Variants in SMAD1 observed in about 807,000 individuals in gnomAD.
SMAD1 encodes the protein MAD, mothers against decapentaplegic homolog 1.
SMAD1 carries 6 observed loss-of-function variants against 41.6 expected under a neutral mutation model. That is an observed-to-expected ratio of 0.14 (90% CI 0.08 to 0.28). SMAD1 has a LOEUF of 0.28. SMAD1 is among the 10% of genes least tolerant of loss of function. The pLI is 1.00. For missense variants in SMAD1, 379 were observed against 582.6 expected, an observed-to-expected ratio of 0.65 and a Z score of 3.60; for synonymous variants, 206 against 203.2, an observed-to-expected ratio of 1.01 and a Z score of -0.12.
At chr4:145,552,605 C>T (rs548247400) in intron 5 of SMAD1, among the ~76,000 whole-genome samples, 1 of 152,168 alleles carries the variant, frequency 6.6e-6, no homozygotes, top group Non-Finnish European at 1.5e-5. Context: ...TTTACACACA[C>T]AGTATGACTT....
chr4:145,542,406 G>A (rs1459963529), intron 3 of SMAD1, among the ~76,000 whole-genome samples, 176 bp from the exon 4 acceptor site: 1 of 152,196 alleles, frequency 6.6e-6, no homozygotes, highest in African/African-American at 2.4e-5. Context: ...ATTGTGGCAT[G>A]GTTAATACTT....
intron 2 of SMAD1, among the ~76,000 whole-genome samples, chr4:145,523,827 T>C (rs1426563103): frequency 6.6e-6 from 1 of 152,200 alleles, no homozygotes; most frequent in Non-Finnish European, 1.5e-5. Flanking sequence ...CCTCTGGCTT[T>C]TGCAGTTGCT....
chr4:145,499,860 C>T (rs1289422608), intron 1 of SMAD1, among the ~76,000 whole-genome samples: 1 of 152,054 alleles, frequency 6.6e-6, no homozygotes, highest in Non-Finnish European at 1.5e-5. Context: ...GACTACTTCT[C>T]CTCCAGTGGC....
chr4:145,488,830 C>T (rs34107624), intron 1 of SMAD1, among the ~76,000 whole-genome samples: 6,860 of 152,088 alleles, frequency 0.045, 173 homozygotes, highest in African/African-American at 0.053. Context: ...AGAGTATACA[C>T]AAACATGAAA....
intron 1 of SMAD1, among the ~76,000 whole-genome samples, chr4:145,509,957 T>C (rs1487472325): frequency 1.3e-5 from 2 of 152,188 alleles, no homozygotes; most frequent in Admixed American, 6.5e-5. Flanking sequence ...GAGAATCAGC[T>C]ATGTGCCAGG....
chr4:145,528,512 G>C (rs1731156965), intron 2 of SMAD1, among the ~76,000 whole-genome samples: 1 of 152,188 alleles, frequency 6.6e-6, no homozygotes, highest in African/African-American at 2.4e-5. Flanking sequence ...GGAGTGCCAG[G>C]ATTACAGGCG....
At chr4:145,519,983 A>G (rs1730653763) in intron 2 of SMAD1, among the ~76,000 whole-genome samples, 1 of 152,182 alleles carries the variant, frequency 6.6e-6, no homozygotes, top group Non-Finnish European at 1.5e-5. Context: ...TTAAGGCTGA[A>G]TAGTATTTAA....
intron 2 of SMAD1, among the ~76,000 whole-genome samples, chr4:145,528,761 G>C (rs1043501867): frequency 6.6e-6 from 1 of 152,136 alleles, no homozygotes; most frequent in African/African-American, 2.4e-5. Flanking sequence ...ACCTCTTACT[G>C]TGTGCTTATG....
At chr4:145,498,505 T>C (rs1406487955) in intron 1 of SMAD1, among the ~76,000 whole-genome samples, 3 of 152,234 alleles carry the variant, frequency 2.0e-5, no homozygotes, top group Admixed American at 1.3e-4. Flanking sequence ...TTTTTATTTA[T>C]TTTTGTTATT....
chr4:145,555,879 C>T (rs1465026974), intron 6 of SMAD1, among the ~76,000 whole-genome samples: 1 of 152,020 alleles, frequency 6.6e-6, no homozygotes, highest in Non-Finnish European at 1.5e-5. Context: ...GAGAGTTATA[C>T]AAGATATAAT....
intron 5 of SMAD1, among the ~76,000 whole-genome samples, chr4:145,551,485 A>G (rs1218176801): frequency 1.3e-5 from 2 of 152,218 alleles, no homozygotes; most frequent in African/African-American, 4.8e-5. Context: ...TGTAGGTTAA[A>G]AATATGTCAC....
intron 2 of SMAD1, among the ~76,000 whole-genome samples, chr4:145,538,702 A>G (rs1247807623): frequency 6.6e-6 from 1 of 152,168 alleles, no homozygotes; most frequent in African/African-American, 2.4e-5. Context: ...AATAATCATA[A>G]GTTTTAAATC....
chr4:145,527,553 C>T (rs1731091641), intron 2 of SMAD1, among the ~76,000 whole-genome samples: 1 of 152,026 alleles, frequency 6.6e-6, no homozygotes, highest in South Asian at 2.1e-4. Context: ...CAACGACTGC[C>T]GGAAGATGGT....
Position 145,493,639 on chromosome 4 carries a change from G to A in SMAD1, c.-177+11601G>A, listed in dbSNP as rs78610305. Among the ~76,000 whole-genome samples the A allele has an allele frequency of 7.2e-3, 1,092 of 152,288 alleles. 14 individuals carry two copies. The highest frequency in any genetic ancestry group is 0.024 in the African/African-American group (1,012 of 41,568). ...GCTGAAGAGTTTTGTCAATTTGTGT[G>A]GGCTGAGATGTTCTGTATTCTAGAA... is the stretch of plus-strand genomic sequence containing the variant. On this transcript the variant is annotated intron_variant, in intron 1 of 6. Coordinates refer to ENST00000302085, the MANE Select transcript of SMAD1 (RefSeq NM_005900.3).
chr4:145,497,684 G>A (rs916579128), intron 1 of SMAD1: 2 of 152,158 alleles, frequency 1.3e-5, no homozygotes, highest in Non-Finnish European at 2.9e-5. Context: ...AGGGAAGTTA[G>A]CAGATAAGAC....
At chr4:145,557,744 A>T (rs1419777987) in intron 6 of SMAD1, 47 bp from the exon 7 acceptor site, 9 of 1,474,128 alleles carry the variant, frequency 6.1e-6, no homozygotes, top group Admixed American at 3.7e-5. Context: ...AATAAGTTTA[A>T]CCACTGAGTT....
chr4:145,485,217 G>A (rs1156619017), intron 1 of SMAD1, among the ~76,000 whole-genome samples: 1 of 152,036 alleles, frequency 6.6e-6, no homozygotes, highest in East Asian at 1.9e-4. Context: ...TACAGGCACT[G>A]CCACCATGTC....
At chr4:145,552,226 T>G (rs1358274632) in intron 5 of SMAD1, among the ~76,000 whole-genome samples, 1 of 152,216 alleles carries the variant, frequency 6.6e-6, no homozygotes. Context: ...CTTAAATTGT[T>G]TTCTCTATAT....
intron 3 of SMAD1, among the ~76,000 whole-genome samples, chr4:145,540,731 C>T (rs1225473068): frequency 6.9e-6 from 1 of 144,756 alleles, no homozygotes; most frequent in Admixed American, 6.9e-5. Context: ...GAGCAAGCAT[C>T]TCCAAAAAAA....
Sources: gnomAD v4.1 joint callset for allele counts (sites outside exome capture counted in the v4.1 genomes callset) on GRCh38, gnomAD v4.1.1 for gene constraint, MANE v1.5 for transcripts, NCBI Gene and HGNC (gene_info 2026-07-23, HGNC 2026-07-21) for gene names.